KIAA0319: variants seen among roughly 807,000 people sequenced by gnomAD.
KIAA0319 encodes KIAA0319, also known as dyslexia-associated protein KIAA0319.
In KIAA0319, 83 loss-of-function variants were observed where a neutral mutation model predicts 108.4. The ratio of observed to expected loss-of-function variants is 0.77; its 90% CI spans 0.64 to 0.92. The LOEUF (loss-of-function observed/expected upper bound fraction) is 0.92, where lower values mean the gene tolerates loss of function less well. Ranked by LOEUF, KIAA0319 falls within the 40% of genes least tolerant of loss-of-function variation. The probability of loss-of-function intolerance (pLI) is 0.00; values close to 1 mark genes in which losing one functional copy is unlikely to be tolerated. For synonymous variants in KIAA0319, 484 were observed against 510.4 expected (o/e 0.95, Z 0.70); for missense variants, 1,195 against 1,322.4 (o/e 0.90, Z 1.49).
intron 3 of KIAA0319, among the ~76,000 whole-genome samples, chr6:24,590,890 C>G (rs1768366126): frequency 6.6e-6 from 1 of 152,224 alleles, no homozygotes; most frequent in Admixed American, 6.5e-5. Flanking sequence ...TCCTCTCTGA[C>G]AAACCCCTCC....
chr6:24,616,074 G>T (rs6934711), intron 1 of KIAA0319, among the ~76,000 whole-genome samples: 6,296 of 152,220 alleles, frequency 0.041, 294 homozygotes, highest in African/African-American at 0.12. Flanking sequence ...AATTTTTCCA[G>T]ACCCTTCCAC....
chr6:24,589,628 G>A (rs900066269), intron 3 of KIAA0319, among the ~76,000 whole-genome samples: 2 of 152,168 alleles, frequency 1.3e-5, no homozygotes, highest in African/African-American at 4.8e-5. Context: ...ATGACTGTAA[G>A]TTCCCTGAGG....
chr6:24,623,015 G>A (rs1156915295), intron 1 of KIAA0319, among the ~76,000 whole-genome samples: 1 of 151,900 alleles, frequency 6.6e-6, no homozygotes, highest in African/African-American at 2.4e-5. Flanking sequence ...CTCTAGCCTG[G>A]GCAACAGAGT....
At chr6:24,571,547 G>A (rs569988683) in intron 11 of KIAA0319, among the ~76,000 whole-genome samples, 1 of 152,144 alleles carries the variant, frequency 6.6e-6, no homozygotes, top group South Asian at 2.1e-4. Flanking sequence ...CCTTTAGGAT[G>A]GTGCCCCGGG....
chr6:24,630,508 CAAAAA>C (rs66787757), intron 1 of KIAA0319, among the ~76,000 whole-genome samples: 6,986 of 104,540 alleles, frequency 0.067, 201 homozygotes, highest in African/African-American at 0.12. Context: ...GATTCTGTCT[CAAAAA>C]AAAAAAAAAA....
chr6:24,551,552 T>C, intron 19 of KIAA0319, 27 bp from the exon 20 acceptor site: 1 of 1,442,924 alleles, frequency 6.9e-7, no homozygotes. Context: ...AAAGCTCAAC[T>C]CAGATCTTTA....
chr6:24,596,962 T>C (rs894421949), intron 2 of KIAA0319, among the ~76,000 whole-genome samples: 1 of 151,852 alleles, frequency 6.6e-6, no homozygotes, highest in Non-Finnish European at 1.5e-5. Flanking sequence ...CATCCATCCA[T>C]CCATCCATCC....
intron 4 of KIAA0319, among the ~76,000 whole-genome samples, chr6:24,586,614 T>G (rs764273197): frequency 6.6e-6 from 1 of 152,212 alleles, no homozygotes; most frequent in Non-Finnish European, 1.5e-5. Flanking sequence ...CAAGATGCTA[T>G]ATAAGCCAGA....
intron 1 of KIAA0319, among the ~76,000 whole-genome samples, chr6:24,605,689 C>T (rs1771295054): frequency 6.6e-6 from 1 of 152,134 alleles, no homozygotes; most frequent in South Asian, 2.1e-4. Context: ...CAATTGTATA[C>T]ATGTAAAGAT....
intron 7 of KIAA0319, 145 bp from the exon 8 acceptor site, chr6:24,580,095 C>T (rs1207694942): frequency 1.7e-6 from 1 of 594,886 alleles, no homozygotes; most frequent in African/African-American, 1.9e-5. Flanking sequence ...ATGGAGAGCA[C>T]TTTTTAAAGT....
chr6:24,543,599 T>G (rs772931256), downstream of KIAA0319, among the ~76,000 whole-genome samples: 130 of 152,146 alleles, frequency 8.5e-4, 3 homozygotes, highest in East Asian at 5.8e-4. Flanking sequence ...AGCTAAATTT[T>G]TGTGTGTGTG....
intron 1 of KIAA0319, among the ~76,000 whole-genome samples, chr6:24,615,486 T>C (rs1182082806): frequency 1.3e-5 from 2 of 152,048 alleles, no homozygotes; most frequent in African/African-American, 4.8e-5. Context: ...GAAGTGATTA[T>C]GTGTGGAGGG....
Position 24,572,635 on chromosome 6 carries a change from T to A in KIAA0319, c.1798A>T (p.Lys600Ter). The A allele has an allele frequency of 6.2e-7, 1 of 1,614,016 alleles. No individual in the cohort carries two copies. Among genetic ancestry groups the A allele is most frequent in the Non-Finnish European group, 8.5e-7 (1 of 1,179,954 alleles). Residue 600 changes from lysine (K) to a stop codon, truncating the protein, a stop_gained, in exon 11 of 21, where the codon AAG becomes TAG. Coordinates refer to ENST00000378214, the MANE Select transcript of KIAA0319 (RefSeq NM_014809.4). LOFTEE classifies it high-confidence loss of function. ...MQEGDYTFQL[K>*]VTDSSRQQST... is the part of the protein sequence containing the mutation. Reference sequence around the variant, plus strand: ...TGTTGCCTTGAAGAATCTGTCACCTTCAGCTGAAATGTATAATCTCCTTCC... The same window carrying A: ...TGTTGCCTTGAAGAATCTGTCACCTACAGCTGAAATGTATAATCTCCTTCC...
Position 24,549,699 on chromosome 6 carries a change from A to G in KIAA0319, c.3040+1735T>C, listed in dbSNP as rs145303944. Among the ~76,000 whole-genome samples the G allele has an allele frequency of 3.3e-5, 5 of 152,336 alleles. No homozygotes were observed. The East Asian group carries it at 9.6e-4, about 29-fold the overall frequency. ...CATACCTCGTACCGCTATGGGCAGG[A>G]TTAGAATTCAATGGGTAAAGTACTT... On this transcript the variant is annotated intron_variant, in intron 20 of 20. Coordinates refer to ENST00000378214, the MANE Select transcript of KIAA0319 (RefSeq NM_014809.4).
chr6:24,547,933 TGAGG>T (rs1239314309), intron 20 of KIAA0319, among the ~76,000 whole-genome samples: 9 of 152,098 alleles, frequency 5.9e-5, no homozygotes, highest in African/African-American at 1.9e-4. Flanking sequence ...TTTGGGAGGC[TGAGG>T]TGGGAGGATC....
At chr6:24,568,427 G>A (rs1764201410) in intron 13 of KIAA0319, among the ~76,000 whole-genome samples, 1 of 152,144 alleles carries the variant, frequency 6.6e-6, no homozygotes, top group Non-Finnish European at 1.5e-5. Flanking sequence ...TTCACACTAA[G>A]AAACGATATG....
At position 24,568,773 on chromosome 6, in the gene KIAA0319, C is replaced by A. The variant is rs930958923; in HGVS notation, c.2140+8G>T. The A allele has an allele frequency of 6.2e-7, 1 of 1,613,160 alleles. No individual in the cohort carries two copies. Among genetic ancestry groups the A allele is most frequent in the African/African-American group, 1.3e-5 (1 of 74,914 alleles). ...AGGCCCAGCCCTGTCCACCTCAGAC[C>A]CACTCACCCTTCTTCACAGCCACAG... On this transcript the variant is annotated splice_region_variant and intron_variant, in intron 13 of 20. Transcript: ENST00000378214.
chr6:24,636,883 G>C (rs1358808926), intron 1 of KIAA0319, among the ~76,000 whole-genome samples: 1 of 151,552 alleles, frequency 6.6e-6, no homozygotes, highest in Non-Finnish European at 1.5e-5. Context: ...AAAAATAGCT[G>C]ACACCATACA....
At chr6:24,631,156 A>G (rs1431606742) in intron 1 of KIAA0319, among the ~76,000 whole-genome samples, 1 of 152,248 alleles carries the variant, frequency 6.6e-6, no homozygotes, top group African/African-American at 2.4e-5. Context: ...TCCTAGTTCA[A>G]TTTAGCCAGT....
Sources: gnomAD v4.1 joint callset for allele counts (sites outside exome capture counted in the v4.1 genomes callset) on GRCh38, gnomAD v4.1.1 for gene constraint, MANE v1.5 for transcripts, NCBI Gene and HGNC (gene_info 2026-07-23, HGNC 2026-07-21) for gene names.